Variants in GRIP1 observed in about 807,000 individuals in gnomAD.
GRIP1 encodes the protein glutamate receptor-interacting protein 1.
A neutral mutation model predicts 129.9 loss-of-function variants in GRIP1; 45 were observed. The ratio of observed to expected loss-of-function variants is 0.35; its 90% CI spans 0.27 to 0.44. The LOEUF (loss-of-function observed/expected upper bound fraction) is 0.44. GRIP1 is among the 20% of genes least tolerant of loss of function. The pLI is 1.00. For synonymous variants in GRIP1, 530 were observed against 520.8 expected (o/e 1.02, Z -0.24); for missense variants, 1,196 against 1,396.8 (o/e 0.86, Z 2.29).
At chr12:66,451,121 G>A (rs954208637) in intron 11 of GRIP1, among the ~76,000 whole-genome samples, 3 of 152,094 alleles carry the variant, frequency 2.0e-5, no homozygotes, top group African/African-American at 4.8e-5. Context: ...TTCAGGATTC[G>A]TTCCTGCTCT....
At chr12:66,691,282 A>G (rs1249187293) in intron 1 of GRIP1, among the ~76,000 whole-genome samples, 1 of 152,170 alleles carries the variant, frequency 6.6e-6, no homozygotes, top group African/African-American at 2.4e-5. Context: ...GTGGAAGGCA[A>G]AAGCACAAAC....
intron 9 of GRIP1, among the ~76,000 whole-genome samples, chr12:66,460,058 T>C (rs1472996551): frequency 3.9e-5 from 6 of 152,180 alleles, no homozygotes; most frequent in African/African-American, 1.2e-4. Flanking sequence ...GCAAGTATTA[T>C]TATGACCCCC....
intron 22 of GRIP1, among the ~76,000 whole-genome samples, chr12:66,373,002 T>C (rs2055596183): frequency 6.6e-6 from 1 of 152,248 alleles, no homozygotes; most frequent in Non-Finnish European, 1.5e-5. Flanking sequence ...GCTTAACTTG[T>C]TGAGTCTTTT....
chr12:66,772,046 G>A (rs542597248), intron 1 of GRIP1, among the ~76,000 whole-genome samples: 7 of 151,732 alleles, frequency 4.6e-5, no homozygotes, highest in African/African-American at 1.4e-4. Flanking sequence ...TAGATGCTGT[G>A]CAGATATTTT....
intron 1 of GRIP1, among the ~76,000 whole-genome samples, chr12:66,951,773 C>T (rs2041761961): frequency 6.6e-6 from 1 of 152,116 alleles, no homozygotes; most frequent in African/African-American, 2.4e-5. Context: ...ATTTGACAGC[C>T]ATCAGGGAGT....
chr12:67,016,149 A>G (rs7965522), intron 1 of GRIP1, among the ~76,000 whole-genome samples: 4,930 of 152,300 alleles, frequency 0.032, 272 homozygotes, highest in African/African-American at 0.11. Flanking sequence ...TGAGAGAGAA[A>G]AACACTCTGC....
chr12:66,711,904 T>C (rs989676852), intron 1 of GRIP1, among the ~76,000 whole-genome samples: 2 of 151,840 alleles, frequency 1.3e-5, no homozygotes, highest in Non-Finnish European at 2.9e-5. Context: ...GATCATTTAG[T>C]TGGTACGAAA....
intron 1 of GRIP1, among the ~76,000 whole-genome samples, chr12:66,728,427 A>G (rs2036323044): frequency 6.6e-6 from 1 of 151,980 alleles, no homozygotes; most frequent in Non-Finnish European, 1.5e-5. Context: ...CTGCTGCCAA[A>G]CTCTAAGATG....
chr12:66,831,417 T>C (rs1045880885), intron 1 of GRIP1, among the ~76,000 whole-genome samples: 89 of 152,220 alleles, frequency 5.8e-4, no homozygotes, highest in African/African-American at 2.1e-3. Flanking sequence ...GAATGAATGA[T>C]TTGACTCTTG....
Position 66,392,500 on chromosome 12 carries a change from G to T in GRIP1, c.2272C>A (p.Gln758Lys). 1 of 1,613,516 alleles carries T rather than the reference G, an allele frequency of 6.2e-7. No individual in the cohort carries two copies. The highest frequency in any genetic ancestry group is 1.3e-5 in the African/African-American group (1 of 75,018). The stretch of plus-strand genomic sequence containing the variant: ...AACTTCTTGGGGCTCGATGCTGACT[G>T]GGCTTTATAGACAGGAAAGGAGTTT... ...TLKIKKQTDA[Q>K]SASSPKKFPI... The change falls in exon 19 of 25, where the codon CAG becomes AAG. Residue 758 changes from glutamine to lysine, a missense_variant and splice_region_variant. By Grantham distance (53) the Gln-to-Lys change is moderately conservative. Coordinates refer to ENST00000359742, the MANE Select transcript of GRIP1 (RefSeq NM_001366722.1).
intron 19 of GRIP1, among the ~76,000 whole-genome samples, chr12:66,382,785 G>T (rs922790332): frequency 6.6e-6 from 1 of 152,200 alleles, no homozygotes; most frequent in African/African-American, 2.4e-5. Flanking sequence ...AAACTGCATT[G>T]TTTGGTATAT....
chr12:66,976,679 G>A (rs903967706), intron 1 of GRIP1, among the ~76,000 whole-genome samples: 1 of 152,144 alleles, frequency 6.6e-6, no homozygotes, highest in Non-Finnish European at 1.5e-5. Context: ...TACTTCTACA[G>A]TGTGAACAGC....
intron 1 of GRIP1, among the ~76,000 whole-genome samples, chr12:66,816,221 A>T (rs150296570): frequency 3.0e-3 from 462 of 152,208 alleles, no homozygotes; most frequent in African/African-American, 0.011. Flanking sequence ...GGGTAAATAG[A>T]CCCACTGGAG....
rs1016737534 is a variant in GRIP1, at chr12:66,621,813, A to G, written c.56-24886T>C. Among the ~76,000 whole-genome samples the G allele has an allele frequency of 3.3e-5, 5 of 152,108 alleles. No individual in the cohort carries two copies. The East Asian group carries it at 9.7e-4, about 29-fold the overall frequency. ...AATGGATATAAAGTGCTATCTTACT[A>G]TGGTTTTGATTTGCATCTCCCTAAT... On this transcript the variant is annotated intron_variant, in intron 1 of 24. Coordinates refer to ENST00000359742, the MANE Select transcript of GRIP1 (RefSeq NM_001366722.1).
chr12:67,040,433 C>T (rs915266945), intron 1 of GRIP1, among the ~76,000 whole-genome samples: 1 of 152,178 alleles, frequency 6.6e-6, no homozygotes, highest in Admixed American at 6.6e-5. Flanking sequence ...CCCACAAAGA[C>T]ATAAATCCCT....
chr12:66,858,077 G>GC (rs1555246300), intron 1 of GRIP1, among the ~76,000 whole-genome samples: 1 of 151,486 alleles, frequency 6.6e-6, no homozygotes, highest in Non-Finnish European at 1.5e-5. Flanking sequence ...TATTCACCAT[G>GC]TTTTTTTGTT....
At chr12:66,397,511 TA>T (rs869155182) in intron 16 of GRIP1, among the ~76,000 whole-genome samples, 613 of 129,078 alleles carry the variant, frequency 4.7e-3, no homozygotes, top group Middle Eastern at 0.016. Context: ...AGACACCCTC[TA>T]AAAAAAAAAA....
chr12:67,050,359 A>G (rs1001246462), intron 1 of GRIP1, among the ~76,000 whole-genome samples: 7 of 152,198 alleles, frequency 4.6e-5, no homozygotes, highest in African/African-American at 1.4e-4. Flanking sequence ...AAATAATTAG[A>G]TTGATATAGG....
chr12:66,651,636 T>C (rs1473519769), intron 1 of GRIP1, among the ~76,000 whole-genome samples: 1 of 152,156 alleles, frequency 6.6e-6, no homozygotes, highest in East Asian at 1.9e-4. Flanking sequence ...ACATTAGGAT[T>C]ATATCTGTAG....
Sources: allele counts gnomAD v4.1 joint callset (sites outside exome capture counted in the v4.1 genomes callset), GRCh38; gene constraint gnomAD v4.1.1; transcripts MANE v1.5; gene names NCBI Gene and HGNC (gene_info 2026-07-23, HGNC 2026-07-21).